NUBPL: variants seen among roughly 807,000 people sequenced by gnomAD.
The protein encoded by NUBPL is iron-sulfur cluster transfer protein NUBPL.
In NUBPL, 31 loss-of-function variants were observed where a neutral mutation model predicts 45.7. That is an observed-to-expected ratio of 0.68 (90% CI 0.51 to 0.92). The LOEUF (loss-of-function observed/expected upper bound fraction) is 0.92. Among genes scored for constraint, NUBPL ranks in the 40% least tolerant of loss-of-function variants. The pLI is 0.00. For synonymous variants in NUBPL, 144 were observed against 140.9 expected (o/e 1.02, Z -0.15); for missense variants, 401 against 398.7 (o/e 1.01, Z -0.05).
chr14:31,635,482 G>C (rs924692713), intron 4 of NUBPL, among the ~76,000 whole-genome samples: 317 of 152,008 alleles, frequency 2.1e-3, no homozygotes, highest in African/African-American at 7.1e-3. Context: ...ATGCTGTTTT[G>C]GTTACTGTAG....
chr14:31,636,901 A>G (rs1418497320), intron 4 of NUBPL, among the ~76,000 whole-genome samples: 1 of 152,078 alleles, frequency 6.6e-6, no homozygotes, highest in African/African-American at 2.4e-5. Flanking sequence ...GTATTCTCTG[A>G]TGGTAGTTTG....
chr14:31,656,767 T>C (rs978137352), intron 4 of NUBPL, among the ~76,000 whole-genome samples: 4 of 152,154 alleles, frequency 2.6e-5, no homozygotes, highest in Non-Finnish European at 5.9e-5. Flanking sequence ...ATTGTCAGAA[T>C]TGCCAAAATG....
At chr14:31,640,855 G>T (rs1595416956) in intron 4 of NUBPL, among the ~76,000 whole-genome samples, 1 of 152,116 alleles carries the variant, frequency 6.6e-6, no homozygotes, top group African/African-American at 2.4e-5. Context: ...AAGAACATTA[G>T]AATTATTCTC....
intron 3 of NUBPL, among the ~76,000 whole-genome samples, chr14:31,591,906 G>A (rs549267663): frequency 6.6e-6 from 1 of 152,174 alleles, no homozygotes; most frequent in African/African-American, 2.4e-5. Context: ...AGTTTTTACT[G>A]TTCAGAATAC....
intron 6 of NUBPL, among the ~76,000 whole-genome samples, chr14:31,708,231 G>A (rs780333220): frequency 1.8e-4 from 28 of 152,288 alleles, no homozygotes; most frequent in Non-Finnish European, 3.2e-4. Flanking sequence ...CTTTACTAAG[G>A]CTTGAGCTTT....
chr14:31,638,896 A>G (rs1186602436), intron 4 of NUBPL, among the ~76,000 whole-genome samples: 2 of 152,096 alleles, frequency 1.3e-5, no homozygotes, highest in Non-Finnish European at 1.5e-5. Flanking sequence ...AGGCTTCTGC[A>G]TTCTTCACGT....
intron 4 of NUBPL, among the ~76,000 whole-genome samples, chr14:31,668,227 G>A (rs2036484833): frequency 6.6e-6 from 1 of 152,174 alleles, no homozygotes; most frequent in Admixed American, 6.5e-5. Flanking sequence ...CCTGACTGGG[G>A]CTGCTGCCTT....
In NUBPL at chr14:31,625,477, C is replaced by CTT. The variant is rs34987045; in HGVS notation, c.382+26112_382+26113dup. On this transcript the variant is annotated intron_variant, in intron 4 of 10. Coordinates refer to ENST00000281081, the MANE Select transcript of NUBPL (RefSeq NM_025152.3). ...GATATAAATTCTATTTCTTTTCTTT[C>CTT]TTTTTTTTTTTTTTTGAGAGGGAGT... is the stretch of plus-strand genomic sequence containing the variant. Among the ~76,000 whole-genome samples, 313 of 137,758 alleles carry CTT rather than the reference C, an allele frequency of 2.3e-3. 2 individuals carry two copies. Among genetic ancestry groups the CTT allele is most frequent in the South Asian group, 7.0e-3 (30 of 4,276 alleles). 90.4% of individuals were successfully genotyped at this position (137,758 alleles called of 152,430 possible). A position where few individuals can be genotyped will look rare whatever the true frequency, so the allele number is the denominator to read the frequency against.
intron 6 of NUBPL, among the ~76,000 whole-genome samples, chr14:31,725,709 C>T (rs1168348383): frequency 1.9e-4 from 20 of 104,954 alleles, no homozygotes; most frequent in Admixed American, 3.7e-4. Flanking sequence ...TAGATTTCAG[C>T]TTTTTTTTTT....
At chr14:31,640,898 T>C (rs191388875) in intron 4 of NUBPL, among the ~76,000 whole-genome samples, 27 of 152,254 alleles carry the variant, frequency 1.8e-4, no homozygotes, top group Admixed American at 6.5e-4. Context: ...TAATGTTAAC[T>C]GTAGTCACCC....
At chr14:31,672,154 A>G (rs1254058954) in intron 4 of NUBPL, among the ~76,000 whole-genome samples, 1 of 152,054 alleles carries the variant, frequency 6.6e-6, no homozygotes, top group Non-Finnish European at 1.5e-5. Flanking sequence ...GATTAATGCA[A>G]TTTTTCATCT....
At chr14:31,670,392 T>C (rs547110152) in intron 4 of NUBPL, among the ~76,000 whole-genome samples, 19 of 152,214 alleles carry the variant, frequency 1.2e-4, no homozygotes, top group Admixed American at 3.3e-4. Flanking sequence ...AGATGTATGG[T>C]TTACACATAT....
intron 6 of NUBPL, among the ~76,000 whole-genome samples, chr14:31,766,109 G>T (rs909355079): frequency 2.0e-5 from 3 of 152,164 alleles, no homozygotes; most frequent in Non-Finnish European, 4.4e-5. Context: ...CACACAAATA[G>T]AATTTAAGTT....
intron 3 of NUBPL, among the ~76,000 whole-genome samples, chr14:31,579,380 G>C (rs986678570): frequency 6.6e-6 from 1 of 152,220 alleles, no homozygotes; most frequent in African/African-American, 2.4e-5. Context: ...ATTGTGTGCA[G>C]CTGAAGGGTA....
chr14:31,709,272 G>A (rs1380561494), intron 6 of NUBPL, among the ~76,000 whole-genome samples: 3 of 152,216 alleles, frequency 2.0e-5, no homozygotes, highest in East Asian at 3.8e-4. Context: ...TCCCATAGCC[G>A]CTCGAGGGAG....
chr14:31,824,529 TA>T (rs2040067620), intron 7 of NUBPL, among the ~76,000 whole-genome samples: 1 of 152,226 alleles, frequency 6.6e-6, no homozygotes, highest in African/African-American at 2.4e-5. Context: ...TTTATGACGT[TA>T]ATTTAATGTA....
At chr14:31,729,283 C>G (rs974231739) in intron 6 of NUBPL, among the ~76,000 whole-genome samples, 5 of 144,554 alleles carry the variant, frequency 3.5e-5, no homozygotes, top group African/African-American at 1.0e-4. Context: ...CATCCCCCCC[C>G]CCCCCAAAAA....
intron 6 of NUBPL, among the ~76,000 whole-genome samples, chr14:31,705,647 A>G (rs2037433497): frequency 6.6e-6 from 1 of 152,132 alleles, no homozygotes; most frequent in African/African-American, 2.4e-5. Context: ...AGCTAGACAC[A>G]GAGTGCTGAT....
Position 31,599,275 on chromosome 14 carries a change from T to G in NUBPL, c.292-14T>G. ...TTTTTGTTTTGTTTTATATTTTTAT[T>G]TATTTTTTTACAGTCCAAGGCCATT... On this transcript the variant is annotated splice_polypyrimidine_tract_variant and intron_variant, in intron 3 of 10. Transcript: ENST00000281081. 6.3e-7 allele frequency: 1 copy of G among 1,583,618 alleles called. No homozygotes were observed. Among genetic ancestry groups the G allele is most frequent in the South Asian group, 1.1e-5 (1 of 90,158 alleles).
Sources: gnomAD v4.1 joint callset for allele counts (sites outside exome capture counted in the v4.1 genomes callset) on GRCh38, gnomAD v4.1.1 for gene constraint, MANE v1.5 for transcripts, NCBI Gene and HGNC (gene_info 2026-07-23, HGNC 2026-07-21) for gene names.